ANKRD22: variants seen among roughly 807,000 people sequenced by gnomAD.
ANKRD22 encodes the protein ankyrin repeat domain 22.
A neutral mutation model predicts 25.7 loss-of-function variants in ANKRD22; 24 were observed. That is an observed-to-expected ratio of 0.93 (90% CI 0.68 to 1.31). ANKRD22 has a LOEUF of 1.31. Among genes scored for constraint, ANKRD22 ranks in the 50% most tolerant of loss-of-function variants. ANKRD22 has a pLI of 0.00. For synonymous variants in ANKRD22, 84 were observed against 84.3 expected (o/e 1.00, Z 0.02); for missense variants, 214 against 227.1 (o/e 0.94, Z 0.37).
intron 1 of ANKRD22, among the ~76,000 whole-genome samples, chr10:88,837,276 G>T (rs778677824): frequency 1.3e-5 from 2 of 152,176 alleles, no homozygotes; most frequent in Admixed American, 6.5e-5. Context: ...GTTTCAGAAA[G>T]AATTAAATGT....
intron 4 of ANKRD22, among the ~76,000 whole-genome samples, chr10:88,825,011 T>TCTCACACACA (rs1420247268): frequency 3.0e-4 from 33 of 111,508 alleles, no homozygotes; most frequent in Non-Finnish European, 3.9e-4. Flanking sequence ...TCTCTCTCTC[T>TCTCACACACA]CACACACACA....
chr10:88,837,254 C>G (rs757382927), intron 1 of ANKRD22, among the ~76,000 whole-genome samples: 1 of 152,154 alleles, frequency 6.6e-6, no homozygotes, highest in African/African-American at 2.4e-5. Flanking sequence ...GATAATCATG[C>G]CTTCTTTATA....
chr10:88,851,815 C>T lies in ANKRD22; in HGVS notation c.-208G>A. 1 of 578,904 alleles carries T rather than the reference C, an allele frequency of 1.7e-6. No individual in the cohort carries two copies. The allele number at this position is 578,904 out of a possible 1,614,324, so 35.9% of individuals were successfully genotyped here. On this transcript the variant is annotated 5_prime_UTR_variant, in exon 1 of 6. An upstream open reading frame in the 5' UTR gains an earlier in-frame stop. Transcript: ENST00000371930. ...AGCACACCTTCCAGAGAGCCCAGCC[C>T]AATGAAACAAAGGCACTGGTGTCAT...
intron 4 of ANKRD22, chr10:88,823,583 T>C: frequency 2.1e-6 from 1 of 468,964 alleles, no homozygotes; most frequent in Non-Finnish European, 3.9e-6. Context: ...ATCCCAGCAC[T>C]TTGGGAGGCC....
At chr10:88,823,888 A>G (rs1248817745) in intron 4 of ANKRD22, among the ~76,000 whole-genome samples, 3 of 151,496 alleles carry the variant, frequency 2.0e-5, no homozygotes, top group Non-Finnish European at 2.9e-5. Flanking sequence ...AGTGTCATAT[A>G]AGCCATCAAT....
intron 2 of ANKRD22, among the ~76,000 whole-genome samples, chr10:88,829,025 A>G (rs925593247): frequency 3.3e-5 from 5 of 152,246 alleles, no homozygotes; most frequent in African/African-American, 1.2e-4. Flanking sequence ...TCCCTTAATC[A>G]TCTACCATGT....
chr10:88,823,494 A>G (rs1402853592), intron 4 of ANKRD22, 116 bp from the exon 5 acceptor site: 1 of 787,278 alleles, frequency 1.3e-6, no homozygotes, highest in Non-Finnish European at 2.1e-6. Context: ...AAGCAGAAAA[A>G]TAGTCTGCAA....
chr10:88,851,480 T>C (rs1844104045), intron 1 of ANKRD22, 107 bp downstream of exon 1: 5 of 1,261,516 alleles, frequency 4.0e-6, no homozygotes, highest in East Asian at 4.7e-5. Context: ...CCCCAGGGAG[T>C]TGAACAGACA....
At chr10:88,846,132 G>T (rs537510845) in intron 1 of ANKRD22, among the ~76,000 whole-genome samples, 63 of 151,936 alleles carry the variant, frequency 4.1e-4, no homozygotes, top group Non-Finnish European at 6.3e-4. Flanking sequence ...TTTTGCGTAT[G>T]TATGGTCAGA....
chr10:88,827,957 C>T (rs972683210), intron 3 of ANKRD22, among the ~76,000 whole-genome samples: 1 of 152,216 alleles, frequency 6.6e-6, no homozygotes, highest in Admixed American at 6.5e-5. Flanking sequence ...CAAAAACCAT[C>T]TCAAGCTTCA....
intron 1 of ANKRD22, among the ~76,000 whole-genome samples, chr10:88,834,660 C>T (rs935349323): frequency 2.6e-5 from 4 of 152,168 alleles, no homozygotes; most frequent in Admixed American, 6.5e-5. Context: ...TTTGGCTGGG[C>T]GCGATGGCTT....
intron 1 of ANKRD22, among the ~76,000 whole-genome samples, chr10:88,836,635 G>A (rs1378437239): frequency 6.6e-6 from 1 of 152,186 alleles, no homozygotes; most frequent in African/African-American, 2.4e-5. Context: ...CTGGCTACAA[G>A]ACTTCGCATT....
Position 88,820,722 on chromosome 10 carries a change from G to A in ANKRD22, c.*2219C>T, listed in dbSNP as rs1358819208. On this transcript the variant is annotated 3_prime_UTR_variant, in exon 6 of 6. Coordinates refer to ENST00000371930, the MANE Select transcript of ANKRD22 (RefSeq NM_144590.3). The stretch of plus-strand genomic sequence containing the variant: ...TATTATATATTCTACCATCTTGAAG[G>A]GTAGGTTTTACCTGATAGCCAGAAA... Among the ~76,000 whole-genome samples, 3 of 152,154 alleles carry A rather than the reference G, an allele frequency of 2.0e-5. No homozygotes were observed. The East Asian group carries it at 5.8e-4, about 29-fold the overall frequency.
intron 1 of ANKRD22, among the ~76,000 whole-genome samples, chr10:88,835,202 G>T (rs568870699): frequency 6.6e-6 from 1 of 152,258 alleles, no homozygotes; most frequent in East Asian, 1.9e-4. Flanking sequence ...GAGTTGTTCT[G>T]CAAGAGTCAC....
At chr10:88,837,048 A>C (rs893211466) in intron 1 of ANKRD22, among the ~76,000 whole-genome samples, 1 of 152,208 alleles carries the variant, frequency 6.6e-6, no homozygotes, top group Non-Finnish European at 1.5e-5. Flanking sequence ...AGGGAAAGCT[A>C]GAGACTTCAA....
chr10:88,845,493 T>C (rs1238261128), intron 1 of ANKRD22, among the ~76,000 whole-genome samples: 1 of 152,144 alleles, frequency 6.6e-6, no homozygotes, highest in Non-Finnish European at 1.5e-5. Context: ...CTCATGGATA[T>C]CGCTAAAGTA....
chr10:88,849,979 A>G (rs543356071), intron 1 of ANKRD22, among the ~76,000 whole-genome samples: 1 of 151,510 alleles, frequency 6.6e-6, no homozygotes, highest in East Asian at 1.9e-4. Context: ...AATCTAGAGG[A>G]GCTTCCCGCA....
At chr10:88,828,969 T>C (rs1843881010) in intron 2 of ANKRD22, among the ~76,000 whole-genome samples, 2 of 152,176 alleles carry the variant, frequency 1.3e-5, no homozygotes, top group Non-Finnish European at 2.9e-5. Flanking sequence ...AAAGATACAC[T>C]GAGATATAAA....
At chr10:88,843,614 A>G (rs1021785948) in intron 1 of ANKRD22, among the ~76,000 whole-genome samples, 1 of 152,174 alleles carries the variant, frequency 6.6e-6, no homozygotes, top group Admixed American at 6.6e-5. Context: ...TCAGTGTAAC[A>G]AGTAAGTTTT....
Sources: gnomAD v4.1 joint callset for allele counts (sites outside exome capture counted in the v4.1 genomes callset) on GRCh38, gnomAD v4.1.1 for gene constraint, MANE v1.5 for transcripts, NCBI Gene and HGNC (gene_info 2026-07-23, HGNC 2026-07-21) for gene names.